Variants in EPSTI1 observed in about 807,000 individuals in gnomAD.
The protein encoded by EPSTI1 is epithelial stromal interaction 1.
A neutral mutation model predicts 49.9 loss-of-function variants in EPSTI1; 66 were observed. The ratio of observed to expected loss-of-function variants is 1.32; its 90% CI spans 1.08 to 1.62. The LOEUF (loss-of-function observed/expected upper bound fraction) is 1.62, where lower values mean the gene tolerates loss of function less well. Ranked by LOEUF, EPSTI1 falls within the 40% of genes most tolerant of loss-of-function variation. EPSTI1 has a pLI of 0.00. For missense variants in EPSTI1, 394 were observed against 365.5 expected, an observed-to-expected ratio of 1.08 and a Z score of -0.64; for synonymous variants, 137 against 130.7, an observed-to-expected ratio of 1.05 and a Z score of -0.33.
At position 42,955,882 on chromosome 13, in the gene EPSTI1, G is replaced by T. The variant is rs539276060; in HGVS notation, c.490-1861C>A. Among the ~76,000 whole-genome samples, 373 of 144,622 alleles carry T rather than the reference G, an allele frequency of 2.6e-3. 11 individuals carry two copies. The highest frequency in any genetic ancestry group is 7.4e-3 in the African/African-American group (292 of 39,476). The allele number at this position is 144,622 out of a possible 152,430, so 94.9% of individuals were successfully genotyped here. ...ATAGTTGATGAAGAAGTATTTGGGG[G>T]GGGGGGGAAGTAGTAGTAGTAGTAT... On this transcript the variant is annotated intron_variant, in intron 5 of 10. Transcript: ENST00000313624.
chr13:42,946,397 G>A (rs2038918751), intron 6 of EPSTI1, among the ~76,000 whole-genome samples: 1 of 152,078 alleles, frequency 6.6e-6, no homozygotes, highest in South Asian at 2.1e-4. Flanking sequence ...TTCCAACTGA[G>A]GTTTTTAGAA....
intron 1 of EPSTI1, 139 bp from the exon 2 acceptor site, chr13:42,970,809 A>G: frequency 1.5e-6 from 1 of 668,058 alleles, no homozygotes; most frequent in East Asian, 2.6e-5. Flanking sequence ...AATCTTCTTA[A>G]GACCCTGATC....
intron 4 of EPSTI1, 46 bp from the exon 5 acceptor site, chr13:42,963,384 T>C: frequency 6.7e-7 from 1 of 1,486,438 alleles, no homozygotes; most frequent in East Asian, 2.3e-5. Context: ...TTACCATTTT[T>C]CAGTCTGAAC....
chr13:42,899,974 TAG>T (rs1345461729), intron 9 of EPSTI1, among the ~76,000 whole-genome samples: 1 of 152,218 alleles, frequency 6.6e-6, no homozygotes, highest in Non-Finnish European at 1.5e-5. Context: ...CTATAAATGG[TAG>T]ACTATCGTCT....
chr13:42,897,375 G>T (rs2037222902), intron 9 of EPSTI1, among the ~76,000 whole-genome samples: 1 of 152,184 alleles, frequency 6.6e-6, no homozygotes, highest in Non-Finnish European at 1.5e-5. Context: ...CAGTGCCTTT[G>T]ATTGTTGACT....
intron 8 of EPSTI1, among the ~76,000 whole-genome samples, chr13:42,911,679 T>C (rs973751868): frequency 1.3e-5 from 2 of 152,210 alleles, no homozygotes; most frequent in Admixed American, 6.5e-5. Flanking sequence ...TCTAATGCCG[T>C]GTATTTGCAT....
At chr13:42,908,346 C>T (rs1255625570) in intron 8 of EPSTI1, among the ~76,000 whole-genome samples, 2 of 152,026 alleles carry the variant, frequency 1.3e-5, no homozygotes, top group Admixed American at 6.5e-5. Context: ...ATTAGCCAGG[C>T]ACGGTGGCAC....
At chr13:42,970,045 GC>G (rs1338205962) in intron 2 of EPSTI1, 2 of 152,318 alleles carry the variant, frequency 1.3e-5, no homozygotes, top group Admixed American at 1.3e-4. Flanking sequence ...TCTTTAGAGA[GC>G]TTTTTCCCTT....
At chr13:42,909,438 G>A (rs1414787284) in intron 8 of EPSTI1, among the ~76,000 whole-genome samples, 3 of 152,156 alleles carry the variant, frequency 2.0e-5, no homozygotes, top group Non-Finnish European at 1.5e-5. Flanking sequence ...ACTACTGGGT[G>A]TCTATCCAAA....
At chr13:42,893,915 ATCACACAATGCAAAGATCCTGCG>A (rs2037112938) in intron 10 of EPSTI1, among the ~76,000 whole-genome samples, 2 of 152,238 alleles carry the variant, frequency 1.3e-5, no homozygotes, top group South Asian at 4.1e-4. Context: ...TGTACTTTGT[ATCACACAATGCAAAGATCCTGCG>A]TTTCAATTAT....
intron 1 of EPSTI1, among the ~76,000 whole-genome samples, chr13:42,986,809 G>A (rs1377091225): frequency 6.6e-6 from 1 of 151,256 alleles, no homozygotes; most frequent in Non-Finnish European, 1.5e-5. Context: ...GGGAGAGGCG[G>A]GGGCTGGAGA....
intron 10 of EPSTI1, among the ~76,000 whole-genome samples, chr13:42,893,169 AAGG>A (rs1482064195): frequency 6.6e-6 from 1 of 152,216 alleles, no homozygotes; most frequent in Non-Finnish European, 1.5e-5. Flanking sequence ...TTTTACTCTG[AAGG>A]AGGACAGAGA....
At chr13:42,942,893 T>A (rs976545174) in intron 6 of EPSTI1, among the ~76,000 whole-genome samples, 2 of 151,856 alleles carry the variant, frequency 1.3e-5, no homozygotes, top group Non-Finnish European at 2.9e-5. Context: ...TTTCACCTTG[T>A]TAGCCAGGAT....
In EPSTI1 at chr13:42,943,773, C is replaced by T. The variant is rs540719781; in HGVS notation, c.563+10175G>A. On this transcript the variant is annotated intron_variant, in intron 6 of 10. Coordinates refer to ENST00000313624, the MANE Select transcript of EPSTI1 (RefSeq NM_033255.5). Reference sequence around the variant, plus strand: ...GGAGAAAAATGTTGCAATCTATCCACCTGACAAAGGGCTAATAACCAGAAT... The same window carrying T: ...GGAGAAAAATGTTGCAATCTATCCATCTGACAAAGGGCTAATAACCAGAAT... 4.3e-4 allele frequency among the ~76,000 whole-genome samples: 65 copies of T among 152,250 alleles called. 3 individuals are homozygous for T. In the South Asian group the frequency reaches 0.013, roughly 32 times the overall value.
intron 5 of EPSTI1, among the ~76,000 whole-genome samples, chr13:42,956,251 G>A (rs1263436269): frequency 6.6e-6 from 1 of 152,170 alleles, no homozygotes; most frequent in Non-Finnish European, 1.5e-5. Flanking sequence ...TGGGAATGTG[G>A]TTTCTAACTT....
At chr13:42,935,573 C>G (rs1454481725) in intron 6 of EPSTI1, among the ~76,000 whole-genome samples, 1 of 152,090 alleles carries the variant, frequency 6.6e-6, no homozygotes, top group Non-Finnish European at 1.5e-5. Context: ...TACTCCATTT[C>G]ACTCATAAAT....
At chr13:42,889,180 T>G (rs772962171) in intron 10 of EPSTI1, 1 of 1,545,218 alleles carries the variant, frequency 6.5e-7, no homozygotes, top group South Asian at 1.2e-5. Context: ...AGAGGAAATA[T>G]TATTTAAAGG....
At chr13:42,975,917 T>C (rs1401187474) in intron 1 of EPSTI1, among the ~76,000 whole-genome samples, 1 of 152,318 alleles carries the variant, frequency 6.6e-6, no homozygotes, top group East Asian at 1.9e-4. Flanking sequence ...CAAAAACCAA[T>C]GATGGGACCA....
intron 6 of EPSTI1, among the ~76,000 whole-genome samples, chr13:42,944,691 G>C (rs953230685): frequency 1.3e-5 from 2 of 151,388 alleles, no homozygotes; most frequent in Non-Finnish European, 2.9e-5. Context: ...TAAAAAACTG[G>C]CCTGGCACTC....
Sources: allele counts gnomAD v4.1 joint callset (sites outside exome capture counted in the v4.1 genomes callset), GRCh38; gene constraint gnomAD v4.1.1; transcripts MANE v1.5; gene names NCBI Gene and HGNC (gene_info 2026-07-23, HGNC 2026-07-21).